The following TRPM3 variants were observed in gnomAD, a reference collection of about 807,000 sequenced individuals.
TRPM3 encodes long transient receptor potential channel 3.
Under a neutral mutation model 181.2 loss-of-function variants are expected in TRPM3, and 77 were observed. The ratio of observed to expected loss-of-function variants is 0.42; its 90% CI spans 0.35 to 0.51. The LOEUF is 0.51. Among genes scored for constraint, TRPM3 ranks in the 20% least tolerant of loss-of-function variants. TRPM3 has a pLI of 0.01. For synonymous variants in TRPM3, 745 were observed against 796.4 expected (o/e 0.94, Z 1.09); for missense variants, 1,759 against 2,196.7 (o/e 0.80, Z 3.98).
At chr9:70,692,140 T>C (rs2068791415) in intron 8 of TRPM3, among the ~76,000 whole-genome samples, 1 of 152,246 alleles carries the variant, frequency 6.6e-6, no homozygotes, top group South Asian at 2.1e-4. Context: ...TACTAGTTTG[T>C]AGTCTCATTT....
At chr9:71,380,816 G>C (rs1268285687) in intron 1 of TRPM3, among the ~76,000 whole-genome samples, 1 of 151,956 alleles carries the variant, frequency 6.6e-6, no homozygotes, top group Non-Finnish European at 1.5e-5. Context: ...CTGACCTTTG[G>C]CCAAGAAGAC....
chr9:70,882,957 A>C (rs1034403123), intron 1 of TRPM3, among the ~76,000 whole-genome samples: 15 of 152,184 alleles, frequency 9.9e-5, no homozygotes, highest in Admixed American at 9.8e-4. Flanking sequence ...GACTGGGTAC[A>C]ATTTAAACCA....
At chr9:71,017,248 A>G (rs1256140737) in intron 1 of TRPM3, among the ~76,000 whole-genome samples, 1 of 152,044 alleles carries the variant, frequency 6.6e-6, no homozygotes, top group Non-Finnish European at 1.5e-5. Flanking sequence ...CCTTTTAAAT[A>G]AAAGAGGGCA....
intron 1 of TRPM3, among the ~76,000 whole-genome samples, chr9:71,151,607 TTATTC>T (rs1296593721): frequency 1.3e-5 from 2 of 152,042 alleles, no homozygotes; most frequent in Non-Finnish European, 2.9e-5. Flanking sequence ...TGCTAGGAAT[TTATTC>T]TATAGAGTAC....
At chr9:71,016,688 C>T (rs1470059559) in intron 1 of TRPM3, among the ~76,000 whole-genome samples, 1 of 152,084 alleles carries the variant, frequency 6.6e-6, no homozygotes, top group Non-Finnish European at 1.5e-5. Context: ...TTGATTCCAT[C>T]TTTTGGCTAT....
intron 9 of TRPM3, among the ~76,000 whole-genome samples, chr9:70,646,241 T>C (rs2058824177): frequency 6.6e-6 from 1 of 152,238 alleles, no homozygotes; most frequent in South Asian, 2.1e-4. Flanking sequence ...CCCAAAGGAT[T>C]ATAAATCATT....
At chr9:70,741,834 AG>A (rs766573747) in intron 8 of TRPM3, among the ~76,000 whole-genome samples, 7 of 152,070 alleles carry the variant, frequency 4.6e-5, no homozygotes, top group Non-Finnish European at 8.8e-5. Flanking sequence ...AAGGGTGGGA[AG>A]GGGGTGAGGG....
At chr9:70,572,709 A>G (rs2052783380) in intron 22 of TRPM3, among the ~76,000 whole-genome samples, 3 of 152,194 alleles carry the variant, frequency 2.0e-5, no homozygotes, top group Admixed American at 1.3e-4. Flanking sequence ...TTCTTTTTAT[A>G]ACATATCAGT....
intron 1 of TRPM3, among the ~76,000 whole-genome samples, chr9:71,053,209 C>G (rs2060263164): frequency 6.8e-6 from 1 of 147,352 alleles, no homozygotes; most frequent in African/African-American, 2.5e-5. Flanking sequence ...TCCTGCTAAA[C>G]AAGAATGTGG....
At chr9:70,821,566 GA>G (rs2093172714) in intron 6 of TRPM3, among the ~76,000 whole-genome samples, 1 of 152,056 alleles carries the variant, frequency 6.6e-6, no homozygotes, top group East Asian at 1.9e-4. Context: ...ATAAATATCT[GA>G]ACAGTAAAAT....
chr9:70,867,988 T>C (rs1178662303), intron 1 of TRPM3, among the ~76,000 whole-genome samples: 1 of 152,080 alleles, frequency 6.6e-6, no homozygotes, highest in African/African-American at 2.4e-5. Context: ...TTAGAAAGCA[T>C]GAAATAGTTT....
At chr9:70,697,970 G>A (rs2134607411) in intron 8 of TRPM3, among the ~76,000 whole-genome samples, 1 of 152,276 alleles carries the variant, frequency 6.6e-6, no homozygotes, top group Admixed American at 6.5e-5. Context: ...CACTTCGGGA[G>A]GCCGAGGAGG....
intron 1 of TRPM3, among the ~76,000 whole-genome samples, chr9:71,139,275 C>T (rs1248040456): frequency 2.6e-5 from 4 of 152,126 alleles, no homozygotes; most frequent in African/African-American, 9.7e-5. Flanking sequence ...GGCCGTATGG[C>T]AAGGTACTAT....
chr9:71,180,726 G>C (rs192360429), intron 1 of TRPM3, among the ~76,000 whole-genome samples: 2 of 152,108 alleles, frequency 1.3e-5, no homozygotes, highest in African/African-American at 4.8e-5. Flanking sequence ...AAGAAAGCTT[G>C]TATCATATAA....
chr9:71,172,207 A>G (rs2076900363), intron 1 of TRPM3, among the ~76,000 whole-genome samples: 1 of 151,438 alleles, frequency 6.6e-6, no homozygotes, highest in Non-Finnish European at 1.5e-5. Context: ...CAGCGCATAG[A>G]AGGCAGGTGT....
At chr9:70,934,479 T>C (rs981028198) in intron 1 of TRPM3, among the ~76,000 whole-genome samples, 1 of 152,128 alleles carries the variant, frequency 6.6e-6, no homozygotes, top group African/African-American at 2.4e-5. Flanking sequence ...TGAGCATATG[T>C]AAGAGTTATA....
At chr9:71,370,953 A>C (rs1299070150) in intron 1 of TRPM3, among the ~76,000 whole-genome samples, 1 of 152,184 alleles carries the variant, frequency 6.6e-6, no homozygotes, top group Non-Finnish European at 1.5e-5. Context: ...AATTATACTA[A>C]ATCTACTCTG....
chr9:70,755,840 GA>G (rs2076990056), intron 8 of TRPM3, among the ~76,000 whole-genome samples: 1 of 152,094 alleles, frequency 6.6e-6, no homozygotes, highest in Non-Finnish European at 1.5e-5. Context: ...ATATGGAAAG[GA>G]AAAACCAGTA....
At chr9:70,831,803 C>T (rs2093916498) in intron 5 of TRPM3, among the ~76,000 whole-genome samples, 1 of 150,830 alleles carries the variant, frequency 6.6e-6, no homozygotes. Context: ...TGACTATAGT[C>T]AATAATAACT....
Sources: gnomAD v4.1 joint callset for allele counts (sites outside exome capture counted in the v4.1 genomes callset) on GRCh38, gnomAD v4.1.1 for gene constraint, MANE v1.5 for transcripts, NCBI Gene and HGNC (gene_info 2026-07-23, HGNC 2026-07-21) for gene names.